Variants in DPY19L2 observed in about 807,000 individuals in gnomAD.
DPY19L2 encodes dpy-19 like 2, also known as probable C-mannosyltransferase DPY19L2.
In DPY19L2, 34 loss-of-function variants were observed where a neutral mutation model predicts 97.9. The ratio of observed to expected loss-of-function variants is 0.35; its 90% confidence interval spans 0.26 to 0.46. The LOEUF is 0.46. Ranked by LOEUF, DPY19L2 falls within the 20% of genes least tolerant of loss-of-function variation. The pLI, the probability that DPY19L2 is intolerant of heterozygous loss-of-function variation, is 1.00. For missense variants in DPY19L2, 623 were observed against 911.4 expected (o/e 0.68, Z 4.07); for synonymous variants, 230 against 307.9 (o/e 0.75, Z 2.65).
chr12:63,574,125 GAC>G (rs1879388861), intron 19 of DPY19L2, among the ~76,000 whole-genome samples: 1 of 151,996 alleles, frequency 6.6e-6, no homozygotes, highest in Non-Finnish European at 1.5e-5. Flanking sequence ...CTTTTCAAGA[GAC>G]AGTACAATAA....
chr12:63,578,578 T>A (rs1880305869), intron 19 of DPY19L2, among the ~76,000 whole-genome samples: 1 of 152,090 alleles, frequency 6.6e-6, no homozygotes, highest in African/African-American at 2.4e-5. Flanking sequence ...CCCATAAATA[T>A]ATACACCTGC....
chr12:63,630,252 A>G (rs1890355119), intron 6 of DPY19L2, among the ~76,000 whole-genome samples: 1 of 152,322 alleles, frequency 6.6e-6, no homozygotes, highest in South Asian at 2.1e-4. Flanking sequence ...AAATGCTCCA[A>G]TTAAAAGACA....
At chr12:63,607,552 A>T (rs1886264592) in intron 12 of DPY19L2, among the ~76,000 whole-genome samples, 1 of 152,186 alleles carries the variant, frequency 6.6e-6, no homozygotes, top group Non-Finnish European at 1.5e-5. Flanking sequence ...ACAAGGAGAA[A>T]ATAGCAACTC....
At chr12:63,578,430 T>G (rs1880274447) in intron 19 of DPY19L2, among the ~76,000 whole-genome samples, 1 of 152,120 alleles carries the variant, frequency 6.6e-6, no homozygotes, top group Non-Finnish European at 1.5e-5. Flanking sequence ...AAAATTTTAC[T>G]GCACATTTAA....
chr12:63,651,560 C>A, intron 4 of DPY19L2: 3 of 201,292 alleles, frequency 1.5e-5, no homozygotes, highest in Non-Finnish European at 3.1e-5. Context: ...AAAAAAAAAC[C>A]CAAATAAAAA....
intron 12 of DPY19L2, among the ~76,000 whole-genome samples, chr12:63,601,875 CA>C (rs1885249577): frequency 1.3e-5 from 2 of 151,528 alleles, no homozygotes; most frequent in South Asian, 4.2e-4. Flanking sequence ...CCATCATGCA[CA>C]AAAAAAGAGA....
At chr12:63,600,611 C>CTTT (rs71434019) in intron 12 of DPY19L2, among the ~76,000 whole-genome samples, 5,025 of 110,482 alleles carry the variant, frequency 0.045, 170 homozygotes, top group Middle Eastern at 0.059. Flanking sequence ...TATCCTAAAT[C>CTTT]TTTTTTTTTT....
At chr12:63,655,695 C>A (rs138429529) in intron 4 of DPY19L2, among the ~76,000 whole-genome samples, 8 of 149,262 alleles carry the variant, frequency 5.4e-5, no homozygotes, top group Non-Finnish European at 1.0e-4. Flanking sequence ...TTTCCCCCAG[C>A]AGTTTAAGAT....
At chr12:63,583,780 A>T in intron 17 of DPY19L2, 32 bp downstream of exon 17, 1 of 1,605,512 alleles carries the variant, frequency 6.2e-7, no homozygotes, top group Non-Finnish European at 8.5e-7. Context: ...TTTAATACAC[A>T]AGTCTACCAG....
rs1254337949 is a variant in DPY19L2, at chr12:63,596,040, G to A, written c.1462-3C>T. 3 of 1,595,820 alleles carry A rather than the reference G, an allele frequency of 1.9e-6. No homozygotes were observed. The highest frequency in any genetic ancestry group is 2.6e-6 in the Non-Finnish European group (3 of 1,171,756). On this transcript the variant is annotated splice_region_variant and splice_polypyrimidine_tract_variant and intron_variant, in intron 14 of 21. Transcript: ENST00000324472. ...GTCTTTGTGTATCTCAGCGGAGTCT[G>A]AAATATACCAAATTATTCAAAATGG...
chr12:63,578,899 T>C (rs1434101134), intron 19 of DPY19L2, among the ~76,000 whole-genome samples: 1 of 151,924 alleles, frequency 6.6e-6, no homozygotes, highest in Non-Finnish European at 1.5e-5. Context: ...ATCTTGTAGA[T>C]AGAGGCCAAG....
intron 12 of DPY19L2, among the ~76,000 whole-genome samples, chr12:63,606,930 T>A (rs1466529649): frequency 6.6e-6 from 1 of 152,162 alleles, no homozygotes; most frequent in East Asian, 1.9e-4. Context: ...GACATTAAAC[T>A]CTAAAGTGAA....
chr12:63,597,635 CT>C (rs34555864), intron 14 of DPY19L2, among the ~76,000 whole-genome samples, 173 bp downstream of exon 14: 8 of 148,654 alleles, frequency 5.4e-5, no homozygotes, highest in African/African-American at 7.4e-5. Flanking sequence ...TAGAGGCTAT[CT>C]TTTTTTTTTA....
chr12:63,646,485 T>C (rs182585974), intron 5 of DPY19L2, among the ~76,000 whole-genome samples: 156 of 152,138 alleles, frequency 1.0e-3, no homozygotes, highest in African/African-American at 3.1e-3. Flanking sequence ...ATCCCAAGAG[T>C]TGAATGTTGT....
At chr12:63,570,006 A>G (rs1878498321) in intron 20 of DPY19L2, among the ~76,000 whole-genome samples, 1 of 152,206 alleles carries the variant, frequency 6.6e-6, no homozygotes, top group Non-Finnish European at 1.5e-5. Flanking sequence ...TCACCGCAGT[A>G]GAACAGAGAG....
At chr12:63,626,341 AC>A in intron 7 of DPY19L2, 127 bp downstream of exon 7, 2 of 1,179,810 alleles carry the variant, frequency 1.7e-6, no homozygotes, top group East Asian at 2.8e-5. Flanking sequence ...TCAACTTATT[AC>A]ACAAGGGTCT....
intron 19 of DPY19L2, among the ~76,000 whole-genome samples, chr12:63,576,735 AT>A (rs1879908920): frequency 3.3e-5 from 5 of 151,874 alleles, no homozygotes. Context: ...AACCAAAGAA[AT>A]GAAAGATCTC....
At chr12:63,653,134 AC>A in intron 4 of DPY19L2, among the ~76,000 whole-genome samples, 1 of 152,292 alleles carries the variant, frequency 6.6e-6, no homozygotes, top group African/African-American at 2.4e-5. Context: ...AAGAGAAAAA[AC>A]AGATGCTAAC....
At chr12:63,668,033 A>T (rs1365579993) in intron 1 of DPY19L2, 24 bp downstream of exon 1, 3 of 1,607,478 alleles carry the variant, frequency 1.9e-6, no homozygotes, top group African/African-American at 1.3e-5. Context: ...GCTCCCTCCT[A>T]GGGCTCTCCT....
Sources: gnomAD v4.1 joint callset for allele counts (sites outside exome capture counted in the v4.1 genomes callset) on GRCh38, gnomAD v4.1.1 for gene constraint, MANE v1.5 for transcripts, NCBI Gene and HGNC (gene_info 2026-07-23, HGNC 2026-07-21) for gene names.